The following NMS variants were observed in gnomAD, a reference collection of about 807,000 sequenced individuals.
NMS encodes the protein neuromedin-S.
NMS carries 30 observed loss-of-function variants against 32.2 expected under a neutral mutation model. The ratio of observed to expected loss-of-function variants is 0.93; its 90% CI spans 0.70 to 1.26. The LOEUF (loss-of-function observed/expected upper bound fraction) is 1.26. Ranked by LOEUF, NMS falls within the 50% of genes most tolerant of loss-of-function variation. NMS has a pLI of 0.00. For synonymous variants in NMS, 76 were observed against 58.5 expected, an observed-to-expected ratio of 1.30 and a Z score of -1.37; for missense variants, 190 against 186.3, an observed-to-expected ratio of 1.02 and a Z score of -0.12.
intron 3 of NMS, among the ~76,000 whole-genome samples, chr2:100,475,442 A>G (rs186757981): frequency 2.0e-5 from 3 of 151,976 alleles, no homozygotes; most frequent in South Asian, 4.2e-4. Context: ...CATCCACAAA[A>G]CTCTTCATGT....
chr2:100,475,889 C>T (rs1414234158), intron 3 of NMS, among the ~76,000 whole-genome samples: 7 of 151,404 alleles, frequency 4.6e-5, no homozygotes, highest in African/African-American at 1.7e-4. Context: ...ATCCCAGCTA[C>T]TCAGGAGGCT....
In NMS at chr2:100,479,394, C is replaced by T. The variant is rs1480563786; in HGVS notation, c.303C>T (p.Leu101=). 1 of 1,611,202 alleles carries T rather than the reference C, an allele frequency of 6.2e-7. No homozygotes were observed. Among genetic ancestry groups the T allele is most frequent in the Non-Finnish European group, 8.5e-7 (1 of 1,178,772 alleles). ...CTCTAATGCACCTGGCTGCCAAGCT[C>T]GCCAACAGGCGGATGAAGAGAATTC... ...VHPLMHLAAK[L]ANRRMKRILQ... is the part of the protein sequence containing the mutation. Residue 101 remains leucine, a synonymous_variant, in exon 6 of 10, where the codon CTC becomes CTT. Transcript: ENST00000376865.
chr2:100,476,894 C>T (rs748416004), intron 3 of NMS, among the ~76,000 whole-genome samples: 31 of 152,198 alleles, frequency 2.0e-4, no homozygotes, highest in African/African-American at 5.3e-4. Context: ...ATACACTCTG[C>T]GGCAAATTAA....
chr2:100,470,841 A>G (rs13427972), intron 1 of NMS, among the ~76,000 whole-genome samples: 35,736 of 152,024 alleles, frequency 0.24, 4,380 homozygotes, highest in East Asian at 0.34. Context: ...ACTGAAGGGA[A>G]AGGCACTTCC....
At chr2:100,480,420 G>T in intron 6 of NMS, 76 bp from the exon 7 acceptor site, 1 of 1,450,722 alleles carries the variant, frequency 6.9e-7, no homozygotes, top group African/African-American at 1.4e-5. Context: ...GGCAGGGAGG[G>T]CAGGATCACT....
intron 3 of NMS, among the ~76,000 whole-genome samples, chr2:100,476,208 G>C (rs762498979): frequency 2.0e-5 from 3 of 152,076 alleles, no homozygotes; most frequent in Non-Finnish European, 2.9e-5. Context: ...CACACACACT[G>C]TTGTGAACAG....
chr2:100,477,190 G>GA, intron 3 of NMS, 54 bp from the exon 4 acceptor site: 1 of 1,499,780 alleles, frequency 6.7e-7, no homozygotes, highest in Non-Finnish European at 9.3e-7. Flanking sequence ...AACGTTATCC[G>GA]TTACCTGCCC....
At chr2:100,474,371 G>A (rs1677066598) in intron 3 of NMS, among the ~76,000 whole-genome samples, 2 of 152,132 alleles carry the variant, frequency 1.3e-5, no homozygotes, top group Non-Finnish European at 2.9e-5. Flanking sequence ...TCCAGCCACA[G>A]TGAATCTATC....
In NMS at chr2:100,470,535, G is replaced by C. The variant is rs751791359; in HGVS notation, c.47G>C (p.Cys16Ser). ...TTCCCTCTCATCTTGGCCATCTACT[G>C]CTTCTGCATGCTACAGATTCCCTCC... ...PQFPLILAIY[C>S]FCMLQIPSSG... is the part of the protein sequence containing the mutation. The change falls in exon 1 of 10, where the codon TGC becomes TCC. Residue 16 changes from cysteine (C) to serine (S), a missense_variant. Physicochemically the swap from Cys to Ser is moderately radical, Grantham distance 112. Coordinates refer to ENST00000376865, the MANE Select transcript of NMS (RefSeq NM_001011717.1). 2.5e-6 allele frequency: 4 copies of C among 1,613,922 alleles called. No homozygotes were observed. The Admixed American group carries it at 5.0e-5, about 20-fold the overall frequency.
At chr2:100,481,667 C>G (rs1677218748) in intron 8 of NMS, among the ~76,000 whole-genome samples, 1 of 152,182 alleles carries the variant, frequency 6.6e-6, no homozygotes, top group Non-Finnish European at 1.5e-5. Context: ...AGACTAGATC[C>G]ATGCCCCCCA....
intron 5 of NMS, among the ~76,000 whole-genome samples, chr2:100,478,478 T>G (rs990556298): frequency 4.6e-5 from 7 of 151,836 alleles, no homozygotes; most frequent in African/African-American, 9.7e-5. Flanking sequence ...TTGTTTGTTT[T>G]TTTGACGGAG....
chr2:100,481,218 A>G (rs759558972), intron 8 of NMS, 51 bp downstream of exon 8: 16 of 1,557,052 alleles, frequency 1.0e-5, no homozygotes, highest in African/African-American at 1.4e-5. Flanking sequence ...CACTGCAGCC[A>G]TCCCAATCAT....
Position 100,472,813 on chromosome 2 carries a change from C to A in NMS, c.95C>A (p.Ala32Asp). 1 of 1,609,654 alleles carries A rather than the reference C, an allele frequency of 6.2e-7. No homozygotes were observed. Among genetic ancestry groups the A allele is most frequent in the African/African-American group, 1.3e-5 (1 of 74,952 alleles). Reference sequence around the variant, plus strand: ...ACAATAGGATTTCCTCAACCTTTAGCTGATCCTTCAGATGGCTTGGATATT... The same window carrying A: ...ACAATAGGATTTCCTCAACCTTTAGATGATCCTTCAGATGGCTTGGATATT... ...IPSSGFPQPL[A>D]DPSDGLDIVQ... The change falls in exon 2 of 10, where the codon GCT becomes GAT. Residue 32 changes from alanine to aspartate, a missense_variant. By Grantham distance (126) the Ala-to-Asp change is moderately radical (BLOSUM62 -2). Transcript: ENST00000376865.
At chr2:100,474,959 C>T (rs1414535667) in intron 3 of NMS, among the ~76,000 whole-genome samples, 1 of 152,138 alleles carries the variant, frequency 6.6e-6, no homozygotes, top group South Asian at 2.1e-4. Context: ...AAGGGATTTC[C>T]CTATCCCTCA....
In NMS at chr2:100,481,127, A is replaced by C. The variant is rs774278535; in HGVS notation, c.374A>C (p.Asp125Ala). The C allele has an allele frequency of 1.7e-5, 28 of 1,614,134 alleles. No homozygotes were observed. Among genetic ancestry groups the C allele is most frequent in the Non-Finnish European group, 2.2e-5 (26 of 1,179,982 alleles). The change falls in exon 8 of 10, where the codon GAT becomes GCT. Residue 125 changes from aspartate (D) to alanine (A), a missense_variant and splice_region_variant. Physicochemically the swap from Asp to Ala is moderately radical, Grantham distance 126. Coordinates refer to ENST00000376865, the MANE Select transcript of NMS (RefSeq NM_001011717.1). The stretch of plus-strand genomic sequence containing the variant: ...GGCTTGTGTTTCTATATGTTGCAGG[A>C]TCACACTGCGACCTGGGGACGACCC... The part of the protein sequence containing the change: ...GTAAVDFTKK[D>A]HTATWGRPFF...
intron 1 of NMS, among the ~76,000 whole-genome samples, chr2:100,471,445 G>C (rs1428942392): frequency 6.6e-6 from 1 of 152,176 alleles, no homozygotes; most frequent in East Asian, 1.9e-4. Flanking sequence ...AGGGTGCAGG[G>C]ATCCCTTCTG....
At chr2:100,478,177 G>T (rs1197294616) in intron 5 of NMS, among the ~76,000 whole-genome samples, 2 of 152,058 alleles carry the variant, frequency 1.3e-5, no homozygotes, top group Non-Finnish European at 2.9e-5. Context: ...GGCCAGGCTG[G>T]TCTAAAACTC....
At chr2:100,473,417 AT>A in intron 2 of NMS, 71 bp from the exon 3 acceptor site, 1 of 775,852 alleles carries the variant, frequency 1.3e-6, no homozygotes, top group Admixed American at 2.7e-5. Flanking sequence ...ATTGTATTTG[AT>A]TACCCATTAA....
At chr2:100,480,660 C>A in intron 7 of NMS, 129 bp downstream of exon 7, 2 of 852,074 alleles carry the variant, frequency 2.3e-6, no homozygotes, top group Non-Finnish European at 3.7e-6. Flanking sequence ...CTCCAAAGGA[C>A]CCTGAGAATC....
Sources: gnomAD v4.1 joint callset for allele counts (sites outside exome capture counted in the v4.1 genomes callset) on GRCh38, gnomAD v4.1.1 for gene constraint, MANE v1.5 for transcripts, NCBI Gene and HGNC (gene_info 2026-07-23, HGNC 2026-07-21) for gene names.